Variants in BCAS3 observed in about 807,000 individuals in gnomAD.
The protein encoded by BCAS3 is BCAS3 microtubule associated cell migration factor.
In BCAS3, 53 loss-of-function variants were observed where a neutral mutation model predicts 116.1. That is an observed-to-expected ratio of 0.46 (90% confidence interval 0.37 to 0.57). The LOEUF (loss-of-function observed/expected upper bound fraction) is 0.57, where lower values mean the gene tolerates loss of function less well. BCAS3 is among the 20% of genes least tolerant of loss of function. The probability of loss-of-function intolerance (pLI) is 0.00; values close to 1 mark genes in which losing one functional copy is unlikely to be tolerated. For synonymous variants in BCAS3, 391 were observed against 408.2 expected, an observed-to-expected ratio of 0.96 and a Z score of 0.51; for missense variants, 917 against 1,165.4, an observed-to-expected ratio of 0.79 and a Z score of 3.10.
intron 7 of BCAS3, chr17:60,810,419 A>G (rs1402019583): frequency 1.9e-6 from 1 of 533,712 alleles, no homozygotes; most frequent in Non-Finnish European, 3.6e-6. Flanking sequence ...GAGACCATGC[A>G]AAGCCTGGAC....
intron 8 of BCAS3, among the ~76,000 whole-genome samples, chr17:60,873,502 G>A (rs1487535194): frequency 6.6e-6 from 1 of 151,974 alleles, no homozygotes; most frequent in Non-Finnish European, 1.5e-5. Flanking sequence ...TTGATTTTTT[G>A]AAGTAAATAT....
intron 14 of BCAS3, among the ~76,000 whole-genome samples, chr17:60,975,260 C>T (rs1424827366): frequency 1.3e-5 from 2 of 152,078 alleles, no homozygotes; most frequent in Non-Finnish European, 2.9e-5. Flanking sequence ...CTCGGCCTCC[C>T]AAAGTGCTGG....
intron 11 of BCAS3, among the ~76,000 whole-genome samples, chr17:60,907,497 T>C (rs1157441560): frequency 6.6e-6 from 1 of 152,226 alleles, no homozygotes; most frequent in Admixed American, 6.5e-5. Context: ...AGGTTAAAGA[T>C]GACTAGTGAC....
intron 22 of BCAS3, among the ~76,000 whole-genome samples, chr17:61,103,567 A>G (rs2143679671): frequency 6.6e-6 from 1 of 152,332 alleles, no homozygotes; most frequent in South Asian, 2.1e-4. Context: ...AATACATTTT[A>G]CTCAGCCTAA....
intron 6 of BCAS3, among the ~76,000 whole-genome samples, chr17:60,783,835 T>C (rs1349996015): frequency 6.6e-6 from 1 of 152,184 alleles, no homozygotes; most frequent in African/African-American, 2.4e-5. Flanking sequence ...GAGATAATGC[T>C]ACAGGTTTGA....
chr17:61,358,500 AT>A (rs71150608), intron 22 of BCAS3, among the ~76,000 whole-genome samples: 3,332 of 130,836 alleles, frequency 0.025, 119 homozygotes, highest in African/African-American at 0.088. Flanking sequence ...CACGTTTTTA[AT>A]TTTTTTTTTT....
chr17:60,700,437 C>T (rs1265442670), intron 4 of BCAS3, among the ~76,000 whole-genome samples: 1 of 152,138 alleles, frequency 6.6e-6, no homozygotes, highest in African/African-American at 2.4e-5. Flanking sequence ...GAAAATCAGG[C>T]TTGGTGAGGA....
At chr17:60,980,900 T>C (rs1360467472) in intron 14 of BCAS3, among the ~76,000 whole-genome samples, 1 of 152,086 alleles carries the variant, frequency 6.6e-6, no homozygotes, top group East Asian at 1.9e-4. Flanking sequence ...GTGGCACCAG[T>C]ATGGCTCACT....
chr17:60,975,023 C>T (rs1489943928), intron 14 of BCAS3, among the ~76,000 whole-genome samples: 1 of 143,252 alleles, frequency 7.0e-6, no homozygotes, highest in Non-Finnish European at 1.5e-5. Flanking sequence ...GAGACGGAGT[C>T]TCGCTCTGTC....
intron 13 of BCAS3, among the ~76,000 whole-genome samples, chr17:60,938,529 TAAACACTA>T (rs1331581698): frequency 1.3e-5 from 2 of 152,144 alleles, no homozygotes; most frequent in Admixed American, 1.3e-4. Context: ...AGGCTTAGCA[TAAACACTA>T]AAACTATGAA....
intron 22 of BCAS3, among the ~76,000 whole-genome samples, chr17:61,292,017 A>T (rs2052461779): frequency 6.6e-6 from 1 of 152,192 alleles, no homozygotes; most frequent in African/African-American, 2.4e-5. Context: ...CAACTCTATA[A>T]AAGGAACAAG....
Position 61,352,715 on chromosome 17 carries a change from C to T in BCAS3, c.2426-15612C>T, listed in dbSNP as rs1280825888. On this transcript the variant is annotated intron_variant, in intron 22 of 23. Coordinates refer to ENST00000407086, the MANE Select transcript of BCAS3 (RefSeq NM_017679.5). The surrounding 1 kb of genome is among the most constrained non-coding windows in gnomAD (Gnocchi z 4.7). Reference sequence around the variant, plus strand: ...CACTTACTAACGAGTGGGCTTTTGACAAGGCCTAAGTGGAGCCTTCTCTGC... The same window carrying T: ...CACTTACTAACGAGTGGGCTTTTGATAAGGCCTAAGTGGAGCCTTCTCTGC... Among the ~76,000 whole-genome samples, 1 of 152,166 alleles carries T rather than the reference C, an allele frequency of 6.6e-6. No homozygotes were observed. The highest frequency in any genetic ancestry group is 1.9e-4 in the East Asian group (1 of 5,182).
chr17:60,959,038 G>C (rs1313289187), intron 14 of BCAS3, among the ~76,000 whole-genome samples: 6 of 152,214 alleles, frequency 3.9e-5, no homozygotes, highest in African/African-American at 9.6e-5. Flanking sequence ...ACCAAGGTTG[G>C]ACACAGTTAT....
chr17:60,984,225 T>C (rs1373732870), intron 14 of BCAS3, among the ~76,000 whole-genome samples: 1 of 152,240 alleles, frequency 6.6e-6, no homozygotes, highest in African/African-American at 2.4e-5. Context: ...TTTCTAGCAA[T>C]GAAGTATCTT....
chr17:61,345,198 G>C (rs917568403), intron 22 of BCAS3, among the ~76,000 whole-genome samples: 17 of 152,168 alleles, frequency 1.1e-4, no homozygotes, highest in African/African-American at 4.1e-4. Flanking sequence ...CTGTTCTCTT[G>C]TTCCCAGCCA....
chr17:60,750,630 GTTCTGTAAATCTTT>G (rs968531450), intron 6 of BCAS3, among the ~76,000 whole-genome samples: 2 of 152,198 alleles, frequency 1.3e-5, no homozygotes, highest in African/African-American at 4.8e-5. Context: ...TGCATAGAAG[GTTCTGTAAATCTTT>G]TGTGAACTGA....
intron 22 of BCAS3, among the ~76,000 whole-genome samples, chr17:61,351,831 G>A (rs558333611): frequency 4.9e-4 from 75 of 152,312 alleles, no homozygotes; most frequent in South Asian, 2.3e-3. Flanking sequence ...GGGCAGGAGT[G>A]GAAGGAGATG....
intron 22 of BCAS3, among the ~76,000 whole-genome samples, chr17:61,107,263 T>C (rs1221298642): frequency 6.6e-6 from 1 of 151,960 alleles, no homozygotes; most frequent in Non-Finnish European, 1.5e-5. Context: ...ATTTTTGTAT[T>C]TTTAGTAGAG....
chr17:60,709,535 A>G, intron 5 of BCAS3: 1 of 383,632 alleles, frequency 2.6e-6, no homozygotes, highest in Admixed American at 4.6e-5. Flanking sequence ...GATTACAGGC[A>G]TGTGTCACCA....
Sources: gnomAD v4.1 joint callset for allele counts (sites outside exome capture counted in the v4.1 genomes callset) on GRCh38, gnomAD v4.1.1 for gene constraint, Gnocchi (gnomAD v3.1) non-coding constraint, MANE v1.5 for transcripts, NCBI Gene and HGNC (gene_info 2026-07-23, HGNC 2026-07-21) for gene names.